The following ERBIN variants were observed in gnomAD, a reference collection of about 807,000 sequenced individuals.
ERBIN encodes the protein densin-180-like protein.
ERBIN carries 60 observed loss-of-function variants against 158.4 expected under a neutral mutation model. The ratio of observed to expected loss-of-function variants is 0.38; its 90% CI spans 0.31 to 0.47. The LOEUF (loss-of-function observed/expected upper bound fraction) is 0.47. Among genes scored for constraint, ERBIN ranks in the 20% least tolerant of loss-of-function variants. The pLI is 0.99. For synonymous variants in ERBIN, 594 were observed against 557.2 expected (o/e 1.07, Z -0.93); for missense variants, 1,610 against 1,648.0 (o/e 0.98, Z 0.40).
At chr5:66,066,999 AG>A (rs1407899271) in intron 21 of ERBIN, among the ~76,000 whole-genome samples, 1 of 152,250 alleles carries the variant, frequency 6.6e-6, no homozygotes, top group African/African-American at 2.4e-5. Flanking sequence ...ATCTGTCTAA[AG>A]GGTTAATCAG....
At chr5:66,020,568 C>T (rs1166793363) in intron 7 of ERBIN, among the ~76,000 whole-genome samples, 1 of 151,812 alleles carries the variant, frequency 6.6e-6, no homozygotes, top group African/African-American at 2.4e-5. Context: ...AGGTGTTGTA[C>T]AAAAATAGCC....
At chr5:65,933,078 C>T (rs570294795) in intron 1 of ERBIN, among the ~76,000 whole-genome samples, 26 of 152,312 alleles carry the variant, frequency 1.7e-4, no homozygotes, top group Non-Finnish European at 3.1e-4. Flanking sequence ...TGGCATGAGC[C>T]GCTGCACCTG....
At chr5:65,947,905 G>A (rs1341704628) in intron 1 of ERBIN, among the ~76,000 whole-genome samples, 1 of 151,820 alleles carries the variant, frequency 6.6e-6, no homozygotes, top group Non-Finnish European at 1.5e-5. Context: ...TACTCAGGAG[G>A]CTGAGGCAGG....
chr5:66,038,549 T>G (rs1267592043), intron 15 of ERBIN, 67 bp downstream of exon 15: 1 of 1,220,440 alleles, frequency 8.2e-7, no homozygotes, highest in Non-Finnish European at 1.2e-6. Flanking sequence ...GAAGTGAACT[T>G]TAAGTCTCAG....
At chr5:65,964,154 G>A (rs1269142424) in intron 1 of ERBIN, among the ~76,000 whole-genome samples, 1 of 152,160 alleles carries the variant, frequency 6.6e-6, no homozygotes, top group Non-Finnish European at 1.5e-5. Context: ...TCTAGTATTA[G>A]ATGGATTTAG....
At chr5:66,072,147 C>G (rs1254100410) in intron 21 of ERBIN, 22 bp from the exon 22 acceptor site, 3 of 1,544,144 alleles carry the variant, frequency 1.9e-6, no homozygotes, top group East Asian at 4.9e-5. Context: ...TATTTGTTTA[C>G]TTTTTATTTC....
intron 1 of ERBIN, among the ~76,000 whole-genome samples, chr5:65,965,372 GTTTTTT>G (rs1561304783): frequency 0.027 from 3,087 of 113,762 alleles, 283 homozygotes; most frequent in African/African-American, 0.095. Flanking sequence ...TACCAGATTT[GTTTTTT>G]GTTGTTTTTT....
chr5:65,968,242 G>A (rs1387318645), intron 1 of ERBIN, among the ~76,000 whole-genome samples: 1 of 152,158 alleles, frequency 6.6e-6, no homozygotes, highest in African/African-American at 2.4e-5. Context: ...GTAAGTAGAA[G>A]GTATCATGAT....
chr5:65,972,923 C>T (rs1013261451), intron 1 of ERBIN, among the ~76,000 whole-genome samples: 2 of 151,300 alleles, frequency 1.3e-5, no homozygotes, highest in Admixed American at 1.3e-4. Context: ...CCTGACCTCT[C>T]ATTGTTTTGC....
intron 1 of ERBIN, among the ~76,000 whole-genome samples, chr5:65,954,550 A>C (rs918448863): frequency 2.0e-5 from 3 of 152,138 alleles, no homozygotes; most frequent in Non-Finnish European, 2.9e-5. Context: ...GTAACATTTT[A>C]GTTTGATTTG....
intron 10 of ERBIN, 22 bp from the exon 11 acceptor site, chr5:66,025,454 TTGTA>T (rs765148307): frequency 6.4e-6 from 10 of 1,566,132 alleles, no homozygotes; most frequent in Non-Finnish European, 8.8e-6. Context: ...AGCTGAAAAA[TTGTA>T]TGTTGTTTCT....
intron 17 of ERBIN, among the ~76,000 whole-genome samples, chr5:66,045,159 C>T (rs558324497): frequency 3.6e-4 from 54 of 152,034 alleles, no homozygotes; most frequent in African/African-American, 1.3e-3. Flanking sequence ...TTCAAGGCTG[C>T]AGTGAGCTAT....
intron 1 of ERBIN, among the ~76,000 whole-genome samples, chr5:65,927,876 G>A (rs1322846915): frequency 5.3e-5 from 8 of 152,124 alleles, no homozygotes; most frequent in Non-Finnish European, 8.8e-5. Flanking sequence ...GTTTTTTTCA[G>A]TGGTGTTTTA....
chr5:65,972,661 TG>T lies in ERBIN; in HGVS notation c.-57-15971del, dbSNP rs547079515. 4.6e-4 allele frequency among the ~76,000 whole-genome samples: 69 copies of T among 151,638 alleles called. 2 individuals carry two copies. Among genetic ancestry groups the T allele is most frequent in the African/African-American group, 1.6e-3 (67 of 40,912 alleles). On this transcript the variant is annotated intron_variant, in intron 1 of 25. Transcript: ENST00000284037. ...TAAATCTTCAGCCTTAAGGGATGTT[TG>T]GGATAGTTTTACAGGATTATGGATT... is the stretch of plus-strand genomic sequence containing the variant.
At chr5:66,074,252 G>A (rs1321420313) in intron 22 of ERBIN, among the ~76,000 whole-genome samples, 1 of 151,760 alleles carries the variant, frequency 6.6e-6, no homozygotes, top group Non-Finnish European at 1.5e-5. Flanking sequence ...TTTCTACAAA[G>A]GTGATTTTAA....
intron 19 of ERBIN, 55 bp downstream of exon 19, chr5:66,048,836 AT>A (rs1758736161): frequency 1.9e-6 from 2 of 1,065,458 alleles, no homozygotes; most frequent in Non-Finnish European, 1.3e-6. Flanking sequence ...AAATTTATAA[AT>A]TTTTTTGAAA....
At chr5:66,052,379 G>A (rs770591098) in intron 20 of ERBIN, among the ~76,000 whole-genome samples, 6 of 152,112 alleles carry the variant, frequency 3.9e-5, no homozygotes, top group Non-Finnish European at 8.8e-5. Flanking sequence ...TTTAGGTACT[G>A]TGTAATTATA....
At position 66,079,373 on chromosome 5, in the gene ERBIN, T is replaced by G. The variant is rs1183676936; in HGVS notation, c.*843T>G. ...TTTCTGTGTTATGGAAATCCACTGA[T>G]TTTTTTTTTTTTTTCAAATGGTGGT... On this transcript the variant is annotated 3_prime_UTR_variant, in exon 26 of 26. Transcript: ENST00000284037. 7.2e-6 allele frequency: 1 copy of G among 138,320 alleles called. No homozygotes were observed. The highest frequency in any genetic ancestry group is 1.6e-5 in the Non-Finnish European group (1 of 63,002). The allele number at this position is 138,320 out of a possible 1,614,324, so 8.6% of individuals were successfully genotyped here. A position where few individuals can be genotyped will look rare whatever the true frequency, so the allele number is the denominator to read the frequency against.
At chr5:65,945,628 TAAATA>T (rs1305087682) in intron 1 of ERBIN, among the ~76,000 whole-genome samples, 1 of 152,230 alleles carries the variant, frequency 6.6e-6, no homozygotes, top group Non-Finnish European at 1.5e-5. Flanking sequence ...ATTTAAAACT[TAAATA>T]TATAAACTAT....
Sources: gnomAD v4.1 joint callset for allele counts (sites outside exome capture counted in the v4.1 genomes callset) on GRCh38, gnomAD v4.1.1 for gene constraint, MANE v1.5 for transcripts, NCBI Gene and HGNC (gene_info 2026-07-23, HGNC 2026-07-21) for gene names.